The following SLC6A12 variants were observed in gnomAD, a reference collection of about 807,000 sequenced individuals.
SLC6A12 encodes sodium- and chloride-dependent betaine transporter.
SLC6A12 carries 50 observed loss-of-function variants against 73.3 expected under a neutral mutation model. The ratio of observed to expected loss-of-function variants is 0.68; its 90% CI spans 0.54 to 0.86. SLC6A12 has a LOEUF of 0.86. Among genes scored for constraint, SLC6A12 ranks in the 40% least tolerant of loss-of-function variants. The pLI is 0.00. For missense variants in SLC6A12, 648 were observed against 772.8 expected (o/e 0.84, Z 1.92); for synonymous variants, 304 against 309.2 (o/e 0.98, Z 0.18).
chr12:201,474 C>G (rs116078362), intron 6 of SLC6A12: 165 of 380,876 alleles, frequency 4.3e-4, no homozygotes, highest in African/African-American at 3.1e-3. Context: ...GCTGTGAAGA[C>G]TCTGTCCAGC....
intron 3 of SLC6A12, chr12:205,104 A>G (rs78410494): frequency 0.022 from 4,064 of 180,724 alleles, 107 homozygotes; most frequent in South Asian, 0.11. Context: ...CAAACACCTC[A>G]GAAGCATTAT....
At position 200,646 on chromosome 12, in the gene SLC6A12, C is replaced by G. The variant is rs1000557440; in HGVS notation, c.711+5G>C. ...GGGAGCTTCCCAGGAGGCAGGACAT[C>G]TCACCTTGCCTGTGGACTTGACCCC... On this transcript the variant is annotated splice_donor_5th_base_variant and intron_variant, in intron 7 of 15. Transcript: ENST00000684302. 1.2e-6 allele frequency: 2 copies of G among 1,613,530 alleles called. No individual in the cohort carries two copies.
chr12:197,142 C>CATCTATCCATCCATCT (rs796565789), intron 10 of SLC6A12, among the ~76,000 whole-genome samples: 2 of 94,822 alleles, frequency 2.1e-5, no homozygotes, highest in Admixed American at 1.1e-4. Context: ...TCCATCCATC[C>CATCTATCCATCCATCT]ATCCATCCAT....
chr12:192,221 GC>G (rs2137104554), intron 15 of SLC6A12, among the ~76,000 whole-genome samples: 1 of 152,292 alleles, frequency 6.6e-6, no homozygotes, highest in African/African-American at 2.4e-5. Context: ...TCAGCAGTTT[GC>G]CCTCCGTTAG....
the SLC6A12 span, among the ~76,000 whole-genome samples, chr12:185,014 C>G: frequency 6.6e-6 from 1 of 152,006 alleles, no homozygotes; most frequent in Non-Finnish European, 1.5e-5. Flanking sequence ...AGCAAGGATG[C>G]CAGCTGCCAC....
At chr12:185,603 G>A (rs916772502), downstream of SLC6A12, among the ~76,000 whole-genome samples, 4 of 152,234 alleles carry the variant, frequency 2.6e-5, no homozygotes, top group Non-Finnish European at 5.9e-5. Context: ...CCCTGTGGAT[G>A]GACACGAGCC....
intron 12 of SLC6A12, among the ~76,000 whole-genome samples, chr12:195,667 C>G (rs576150033): frequency 5.9e-5 from 9 of 152,272 alleles, no homozygotes; most frequent in Admixed American, 3.9e-4. Context: ...GAGTCATAGC[C>G]TGGACATTTG....
intron 10 of SLC6A12, 34 bp from the exon 11 acceptor site, chr12:196,916 AG>A: frequency 6.6e-7 from 1 of 1,508,448 alleles, no homozygotes. Flanking sequence ...GGGAGGCTCC[AG>A]GGCGTGTGCT....
intron 5 of SLC6A12, 94 bp from the exon 6 acceptor site, chr12:201,943 C>T: frequency 9.8e-7 from 1 of 1,023,798 alleles, no homozygotes. Context: ...TGGTCCTCAC[C>T]ACTCCTAGCC....
chr12:210,161 TA>T, intron 2 of SLC6A12, 118 bp from the exon 3 acceptor site: 1 of 1,305,402 alleles, frequency 7.7e-7, no homozygotes, highest in Non-Finnish European at 1.0e-6. Flanking sequence ...CCATGGCATT[TA>T]CACCTAAAGT....
intron 6 of SLC6A12, 126 bp downstream of exon 6, chr12:201,636 G>T: frequency 1.4e-6 from 1 of 722,588 alleles, no homozygotes; most frequent in Non-Finnish European, 2.5e-6. Flanking sequence ...GGGTTGGAGT[G>T]GGGCGGGGGA....
At chr12:210,187 G>A (rs866389437) in intron 2 of SLC6A12, 144 bp from the exon 3 acceptor site, 177 of 1,214,768 alleles carry the variant, frequency 1.5e-4, no homozygotes, top group Middle Eastern at 5.9e-4. Flanking sequence ...GTTCGTTCTC[G>A]TAACTGTAAG....
rs896561215 is a variant in SLC6A12, at chr12:198,756, G to A, written c.846+41C>T. 14 of 1,601,672 alleles carry A rather than the reference G, an allele frequency of 8.7e-6. No homozygotes were observed. The South Asian group carries it at 1.6e-4, about 18-fold the overall frequency. On this transcript the variant is annotated intron_variant, in intron 8 of 15. Transcript: ENST00000684302. This position sits in a 1 kb window ranked among gnomAD's most constrained non-coding sequence, Gnocchi z 4.0. ...TTCAAAACTACAGACCTGGCTGGGT[G>A]GGGAAGGCACCTGGGGAAGTGGTCC...
intron 12 of SLC6A12, 116 bp from the exon 13 acceptor site, chr12:195,443 C>G: frequency 1.4e-6 from 1 of 691,588 alleles, no homozygotes; most frequent in Non-Finnish European, 2.6e-6. Context: ...CTGTGGGATG[C>G]CATTCCTTGC....
intron 2 of SLC6A12, 118 bp downstream of exon 2, chr12:211,907 AG>A (rs1215227281): frequency 1.3e-5 from 2 of 152,206 alleles, no homozygotes; most frequent in African/African-American, 4.8e-5. Context: ...CTCTGAAGTT[AG>A]GTGTCACTAT....
chr12:187,558 G>A (rs1308643160), downstream of SLC6A12, among the ~76,000 whole-genome samples: 1 of 123,092 alleles, frequency 8.1e-6, no homozygotes, highest in African/African-American at 3.1e-5. Flanking sequence ...GACCCAAACA[G>A]TGAGCAGCAG....
intron 4 of SLC6A12, 57 bp downstream of exon 4, chr12:204,507 G>T (rs926095951): frequency 2.8e-5 from 43 of 1,541,202 alleles, no homozygotes; most frequent in Non-Finnish European, 3.4e-5. Flanking sequence ...AGAGACCATG[G>T]GGGGATGCAG....
At chr12:199,470 G>C (rs1277732066) in intron 7 of SLC6A12, among the ~76,000 whole-genome samples, 1 of 152,198 alleles carries the variant, frequency 6.6e-6, no homozygotes, top group East Asian at 1.9e-4. Flanking sequence ...CTGTGCTTTT[G>C]CAGGCTAATG....
chr12:185,412 A>C (rs1032003036), downstream of SLC6A12, among the ~76,000 whole-genome samples: 2 of 152,236 alleles, frequency 1.3e-5, no homozygotes, highest in African/African-American at 4.8e-5. Context: ...GGACTTGCCC[A>C]CTTCGAGTCC....
Sources: allele counts gnomAD v4.1 joint callset (sites outside exome capture counted in the v4.1 genomes callset), GRCh38; gene constraint gnomAD v4.1.1; non-coding constraint Gnocchi (gnomAD v3.1); transcripts MANE v1.5; gene names NCBI Gene and HGNC (gene_info 2026-07-23, HGNC 2026-07-21).